The following CPQ variants were observed in gnomAD, a reference collection of about 807,000 sequenced individuals.
CPQ encodes Ser-Met dipeptidase.
Under a neutral mutation model 45.7 loss-of-function variants are expected in CPQ, and 37 were observed. The observed-to-expected ratio is 0.81, with a 90% confidence interval of 0.62 to 1.07. The LOEUF (loss-of-function observed/expected upper bound fraction) is 1.07. CPQ is among the 50% of genes least tolerant of loss of function. CPQ has a pLI of 0.00. For missense variants in CPQ, 537 were observed against 572.9 expected, an observed-to-expected ratio of 0.94 and a Z score of 0.64; for synonymous variants, 186 against 205.8, an observed-to-expected ratio of 0.90 and a Z score of 0.82.
chr8:96,763,570 G>A (rs1428257182), intron 1 of CPQ, among the ~76,000 whole-genome samples: 1 of 151,854 alleles, frequency 6.6e-6, no homozygotes, highest in East Asian at 1.9e-4. Flanking sequence ...CACTGTTAAG[G>A]GAATGAAAGG....
At chr8:96,671,945 C>T (rs563243698) in intron 1 of CPQ, among the ~76,000 whole-genome samples, 1 of 152,028 alleles carries the variant, frequency 6.6e-6, no homozygotes, top group African/African-American at 2.4e-5. Flanking sequence ...TTTTAGGGGC[C>T]TGGCAGAAAC....
At chr8:96,876,116 A>T (rs1812141766) in intron 3 of CPQ, among the ~76,000 whole-genome samples, 1 of 151,910 alleles carries the variant, frequency 6.6e-6, no homozygotes, top group Non-Finnish European at 1.5e-5. Context: ...TTGCTTTTGC[A>T]TCGTTCATTG....
At chr8:96,861,911 G>A (rs942437902) in intron 3 of CPQ, among the ~76,000 whole-genome samples, 1 of 152,102 alleles carries the variant, frequency 6.6e-6, no homozygotes, top group Non-Finnish European at 1.5e-5. Context: ...GTGGATACAG[G>A]TAGAGGGAGA....
chr8:96,697,873 G>C (rs1056803045), intron 1 of CPQ, among the ~76,000 whole-genome samples: 2 of 152,002 alleles, frequency 1.3e-5, no homozygotes, highest in Non-Finnish European at 2.9e-5. Flanking sequence ...AAAATGGAAA[G>C]ATATTCCATG....
intron 1 of CPQ, among the ~76,000 whole-genome samples, chr8:96,781,913 G>C (rs1390202059): frequency 6.6e-6 from 1 of 152,176 alleles, no homozygotes; most frequent in Non-Finnish European, 1.5e-5. Context: ...GACAACAACA[G>C]TAAATCTTAA....
chr8:97,078,753 T>C (rs539068174), intron 7 of CPQ, among the ~76,000 whole-genome samples: 28 of 145,674 alleles, frequency 1.9e-4, no homozygotes, highest in African/African-American at 7.0e-4. Context: ...AAATATGATA[T>C]CATTTCCATT....
At chr8:97,089,353 C>T (rs1258417105) in intron 7 of CPQ, among the ~76,000 whole-genome samples, 1 of 152,062 alleles carries the variant, frequency 6.6e-6, no homozygotes, top group Admixed American at 6.6e-5. Flanking sequence ...TTCTATTTAC[C>T]TTACAATGTG....
chr8:96,839,613 A>G (rs1239431181), intron 3 of CPQ, among the ~76,000 whole-genome samples: 4 of 152,170 alleles, frequency 2.6e-5, no homozygotes, highest in African/African-American at 9.7e-5. Context: ...TTTAGTACAT[A>G]TTTCTTGAGA....
intron 5 of CPQ, among the ~76,000 whole-genome samples, chr8:97,013,811 C>T (rs1563554286): frequency 6.6e-6 from 1 of 151,900 alleles, no homozygotes; most frequent in African/African-American, 2.4e-5. Context: ...ATCCCATAGA[C>T]CAGTGGTGTC....
At chr8:96,717,069 A>AG (rs1809689980) in intron 1 of CPQ, among the ~76,000 whole-genome samples, 1 of 106,060 alleles carries the variant, frequency 9.4e-6, no homozygotes, top group African/African-American at 4.3e-5. Context: ...ATATATATAT[A>AG]TATATATACG....
At chr8:97,087,821 G>T (rs962304974) in intron 7 of CPQ, among the ~76,000 whole-genome samples, 4 of 152,176 alleles carry the variant, frequency 2.6e-5, no homozygotes, top group African/African-American at 9.6e-5. Context: ...TATATTCATA[G>T]TCTGTACCTA....
rs185631548 is a variant in CPQ at position 96,685,940 on chromosome 8, A to G, written c.-35+40538A>G. Among the ~76,000 whole-genome samples, 50 of 152,044 alleles carry G rather than the reference A, an allele frequency of 3.3e-4. No homozygotes were observed. In the East Asian group the frequency reaches 8.3e-3, roughly 25 times the overall value. ...TTTATTCACATATTTCTTGTTATAC[A>G]TTTTTCTAGTTACTCTATAATTTTG... is the stretch of plus-strand genomic sequence containing the variant. On this transcript the variant is annotated intron_variant, in intron 1 of 7. Transcript: ENST00000220763.
chr8:96,683,723 T>C (rs1809183948), intron 1 of CPQ, among the ~76,000 whole-genome samples: 1 of 149,904 alleles, frequency 6.7e-6, no homozygotes. Context: ...TTTAAATCCA[T>C]TTTTTCTATT....
intron 1 of CPQ, among the ~76,000 whole-genome samples, chr8:96,725,527 C>T (rs981239685): frequency 1.3e-5 from 2 of 152,046 alleles, no homozygotes; most frequent in Non-Finnish European, 2.9e-5. Context: ...ATCAAAAGCA[C>T]GATGAAATAC....
chr8:97,116,885 G>T (rs748995992), intron 7 of CPQ, among the ~76,000 whole-genome samples: 1 of 152,238 alleles, frequency 6.6e-6, no homozygotes, highest in Non-Finnish European at 1.5e-5. Context: ...TGGCCTTTGG[G>T]CTTGCTGTAG....
At chr8:96,728,172 C>T (rs1809868353) in intron 1 of CPQ, among the ~76,000 whole-genome samples, 1 of 152,146 alleles carries the variant, frequency 6.6e-6, no homozygotes, top group South Asian at 2.1e-4. Flanking sequence ...TTACCCTTTC[C>T]TTTCTCTCAC....
chr8:97,079,268 T>C (rs568260365), intron 7 of CPQ, among the ~76,000 whole-genome samples: 4 of 152,318 alleles, frequency 2.6e-5, no homozygotes, highest in Non-Finnish European at 2.9e-5. Flanking sequence ...CAGGATACTA[T>C]TGCCTGTTCT....
chr8:96,918,497 C>T (rs541746701), intron 4 of CPQ, among the ~76,000 whole-genome samples: 106 of 152,178 alleles, frequency 7.0e-4, no homozygotes, highest in Non-Finnish European at 8.8e-4. Flanking sequence ...CATGATCAAA[C>T]TTACCAGACA....
intron 4 of CPQ, among the ~76,000 whole-genome samples, chr8:96,902,307 A>G (rs571461286): frequency 3.6e-4 from 55 of 152,338 alleles, no homozygotes; most frequent in African/African-American, 1.2e-3. Context: ...TATTATCAAA[A>G]CTATTTAGCA....
Sources: allele counts gnomAD v4.1 joint callset (sites outside exome capture counted in the v4.1 genomes callset), GRCh38; gene constraint gnomAD v4.1.1; transcripts MANE v1.5; gene names NCBI Gene and HGNC (gene_info 2026-07-23, HGNC 2026-07-21).